The following NEDD9 variants were observed in gnomAD, a reference collection of about 807,000 sequenced individuals.
NEDD9 encodes the protein neural precursor cell expressed, developmentally down-regulated 9.
In NEDD9, 26 loss-of-function variants were observed where a neutral mutation model predicts 76.6. The ratio of observed to expected loss-of-function variants is 0.34; its 90% CI spans 0.25 to 0.47. The LOEUF (loss-of-function observed/expected upper bound fraction) is 0.47. Ranked by LOEUF, NEDD9 falls within the 20% of genes least tolerant of loss-of-function variation. The pLI, the probability that NEDD9 is intolerant of heterozygous loss-of-function variation, is 1.00. For synonymous variants in NEDD9, 392 were observed against 414.2 expected, an observed-to-expected ratio of 0.95 and a Z score of 0.65; for missense variants, 937 against 1,058.5, an observed-to-expected ratio of 0.89 and a Z score of 1.59.
At chr6:11,306,887 C>A (rs1582013469) in intron 2 of NEDD9, among the ~76,000 whole-genome samples, 1 of 152,070 alleles carries the variant, frequency 6.6e-6, no homozygotes, top group East Asian at 1.9e-4. Context: ...TTAGTACTGG[C>A]CAATTTTTCA....
chr6:11,304,588 A>C (rs994705661), intron 3 of NEDD9, among the ~76,000 whole-genome samples: 2 of 152,268 alleles, frequency 1.3e-5, no homozygotes, highest in Non-Finnish European at 2.9e-5. Flanking sequence ...TGGATTGAGA[A>C]AATGTGGCAC....
chr6:11,317,428 T>TAAAA (rs1244935045), intron 2 of NEDD9, among the ~76,000 whole-genome samples: 2 of 138,214 alleles, frequency 1.4e-5, no homozygotes, highest in Non-Finnish European at 3.2e-5. Flanking sequence ...AAAAATAAAT[T>TAAAA]AAAAAAAAAA....
intron 3 of NEDD9, 167 bp from the exon 4 acceptor site, chr6:11,192,613 T>G (rs765579053): frequency 7.4e-6 from 4 of 542,294 alleles, no homozygotes; most frequent in Non-Finnish European, 1.3e-5. Flanking sequence ...TTTAATACAT[T>G]TTATGGTTTT....
At chr6:11,208,755 G>A (rs1170640714) in intron 2 of NEDD9, among the ~76,000 whole-genome samples, 2 of 152,210 alleles carry the variant, frequency 1.3e-5, no homozygotes, top group African/African-American at 2.4e-5. Context: ...AATCAGAGAA[G>A]CACATATAAT....
At chr6:11,315,321 A>T (rs770683381) in intron 2 of NEDD9, among the ~76,000 whole-genome samples, 10 of 152,224 alleles carry the variant, frequency 6.6e-5, no homozygotes, top group Non-Finnish European at 1.0e-4. Context: ...TTCATAAAAC[A>T]GCCCATCAGC....
chr6:11,244,269 A>ACACACACGTGTGTGCACG (rs1214053025), intron 3 of NEDD9, among the ~76,000 whole-genome samples: 18 of 151,136 alleles, frequency 1.2e-4, no homozygotes, highest in Admixed American at 1.2e-3. Context: ...TTACACACAC[A>ACACACACGTGTGTGCACG]CACACACGTG....
At chr6:11,375,733 T>C (rs1762959151) in intron 1 of NEDD9, among the ~76,000 whole-genome samples, 1 of 152,234 alleles carries the variant, frequency 6.6e-6, no homozygotes, top group Admixed American at 6.5e-5. Context: ...CCGCCATGAT[T>C]GTAACCTTCC....
chr6:11,352,363 T>A (rs1053486029), intron 1 of NEDD9: 1 of 152,198 alleles, frequency 6.6e-6, no homozygotes, highest in African/African-American at 2.4e-5. Flanking sequence ...ACATTTGCTC[T>A]TTGGTTAACT....
At chr6:11,349,975 G>T (rs1762434440) in intron 1 of NEDD9, among the ~76,000 whole-genome samples, 1 of 152,174 alleles carries the variant, frequency 6.6e-6, no homozygotes, top group South Asian at 2.1e-4. Context: ...CTCTTAGTTT[G>T]AAAGAGACAA....
chr6:11,350,616 T>C (rs2113534481), intron 1 of NEDD9, among the ~76,000 whole-genome samples: 1 of 152,320 alleles, frequency 6.6e-6, no homozygotes. Context: ...GGACAGGATC[T>C]TAGAGGTCGG....
intron 2 of NEDD9, among the ~76,000 whole-genome samples, chr6:11,333,442 T>G (rs957153507): frequency 6.6e-6 from 1 of 152,244 alleles, no homozygotes. Flanking sequence ...GCTTTATTAT[T>G]CACCTCAGTT....
chr6:11,311,123 C>T (rs1438379126), intron 2 of NEDD9, among the ~76,000 whole-genome samples: 4 of 151,164 alleles, frequency 2.6e-5, no homozygotes, highest in East Asian at 1.9e-4. Flanking sequence ...CTGACTGAGT[C>T]CTTCAGCTCA....
chr6:11,242,443 G>C (rs1253523404), intron 3 of NEDD9, among the ~76,000 whole-genome samples: 1 of 152,144 alleles, frequency 6.6e-6, no homozygotes, highest in Non-Finnish European at 1.5e-5. Flanking sequence ...GGTCTTAGGA[G>C]GGGTGGAGAG....
chr6:11,316,761 G>C (rs1761576753), intron 2 of NEDD9, among the ~76,000 whole-genome samples: 1 of 152,230 alleles, frequency 6.6e-6, no homozygotes, highest in African/African-American at 2.4e-5. Context: ...CAGTGAAGAG[G>C]AGAGGAAATG....
chr6:11,213,466 A>C lies in NEDD9; in HGVS notation c.274T>G (p.Tyr92Asp). The C allele has an allele frequency of 1.2e-6, 2 of 1,614,124 alleles. No homozygotes were observed. Among genetic ancestry groups the C allele is most frequent in the South Asian group, 2.2e-5 (2 of 91,084 alleles). Residue 92 changes from tyrosine to aspartate, a missense_variant, in exon 2 of 7, where the codon TAT becomes GAT. Transcript: ENST00000379446. This position sits in a 1 kb window ranked among gnomAD's most constrained non-coding sequence, Gnocchi z 5.4. ...GCAGCCTGTGGGTTTGGCACTTGATAGAGCTTCTGTTGGCCAAAGGTCTGC... is the reference window on the plus strand; with the variant it reads ...GCAGCCTGTGGGTTTGGCACTTGATCGAGCTTCTGTTGGCCAAAGGTCTGC... ...MQQTFGQQKL[Y>D]QVPNPQAAPR...
intron 3 of NEDD9, among the ~76,000 whole-genome samples, chr6:11,253,740 T>G (rs1759953098): frequency 1.3e-5 from 2 of 152,218 alleles, no homozygotes; most frequent in African/African-American, 4.8e-5. Flanking sequence ...AAATATACTT[T>G]AAGTGCATAT....
intron 3 of NEDD9, among the ~76,000 whole-genome samples, chr6:11,240,718 G>C (rs1247411811): frequency 4.6e-5 from 7 of 152,196 alleles, no homozygotes; most frequent in African/African-American, 1.7e-4. Context: ...CTCGACTCTA[G>C]TGAAATGTGA....
chr6:11,354,151 G>C (rs2113539818), intron 1 of NEDD9, among the ~76,000 whole-genome samples: 1 of 152,306 alleles, frequency 6.6e-6, no homozygotes, highest in East Asian at 1.9e-4. Flanking sequence ...AGCTGAGTTG[G>C]GCTGAGAATG....
chr6:11,297,100 AG>A (rs1427887035), intron 3 of NEDD9, among the ~76,000 whole-genome samples: 3 of 150,556 alleles, frequency 2.0e-5, no homozygotes, highest in Non-Finnish European at 4.4e-5. Context: ...CCTAATGCAA[AG>A]GTGAAAAAGC....
Sources: allele counts gnomAD v4.1 joint callset (sites outside exome capture counted in the v4.1 genomes callset), GRCh38; gene constraint gnomAD v4.1.1; non-coding constraint Gnocchi (gnomAD v3.1); transcripts MANE v1.5; gene names NCBI Gene and HGNC (gene_info 2026-07-23, HGNC 2026-07-21).